Variants in MTMR3 observed in about 807,000 individuals in gnomAD.
MTMR3 encodes myotubularin related protein 3.
A neutral mutation model predicts 132.4 loss-of-function variants in MTMR3; 32 were observed. The ratio of observed to expected loss-of-function variants is 0.24; its 90% CI spans 0.18 to 0.32. MTMR3 has a LOEUF of 0.32. Ranked by LOEUF, MTMR3 falls within the 10% of genes least tolerant of loss-of-function variation. MTMR3 has a pLI of 1.00. For synonymous variants in MTMR3, 556 were observed against 550.3 expected (o/e 1.01, Z -0.14); for missense variants, 1,216 against 1,489.6 (o/e 0.82, Z 3.02).
intron 17 of MTMR3, chr22:30,021,140 G>T: frequency 1.9e-6 from 1 of 515,096 alleles, no homozygotes; most frequent in South Asian, 2.5e-5. Flanking sequence ...TGCACTGCAT[G>T]GTTGATCAGA....
At chr22:29,957,899 C>T (rs2066231624) in intron 2 of MTMR3, among the ~76,000 whole-genome samples, 1 of 151,904 alleles carries the variant, frequency 6.6e-6, no homozygotes, top group Non-Finnish European at 1.5e-5. Context: ...TGTATTGTTG[C>T]TTGTTCTATT....
intron 1 of MTMR3, among the ~76,000 whole-genome samples, chr22:29,922,151 C>T (rs113338889): frequency 6.6e-6 from 1 of 151,958 alleles, no homozygotes. Flanking sequence ...CTCAGCCTCC[C>T]GAGTAGCTGG....
chr22:29,898,116 C>G (rs1427544028), intron 1 of MTMR3, among the ~76,000 whole-genome samples: 1 of 152,124 alleles, frequency 6.6e-6, no homozygotes, highest in Non-Finnish European at 1.5e-5. Context: ...GCTGGGATTA[C>G]AAGTGTGAGC....
intron 1 of MTMR3, among the ~76,000 whole-genome samples, chr22:29,934,009 A>AT (rs2065698439): frequency 6.6e-6 from 1 of 152,160 alleles, no homozygotes; most frequent in African/African-American, 2.4e-5. Context: ...ATGGATAAAA[A>AT]CATGTTTATA....
At chr22:30,003,037 C>T in intron 9 of MTMR3, 44 bp downstream of exon 9, 1 of 1,468,552 alleles carries the variant, frequency 6.8e-7, no homozygotes. Context: ...GGTGCTGCTG[C>T]CTGCTGCATA....
At chr22:29,964,364 A>G (rs1019208899) in intron 2 of MTMR3, among the ~76,000 whole-genome samples, 2 of 152,152 alleles carry the variant, frequency 1.3e-5, no homozygotes, top group African/African-American at 4.8e-5. Flanking sequence ...TTTACATAAT[A>G]CCCAGAGTGG....
At chr22:30,007,470 T>G in intron 10 of MTMR3, 151 bp downstream of exon 10, 1 of 753,428 alleles carries the variant, frequency 1.3e-6, no homozygotes, top group South Asian at 1.9e-5. Flanking sequence ...GAGTCATGGG[T>G]CTTGGCAGAG....
chr22:29,978,379 A>G (rs2066672641), intron 3 of MTMR3, 63 bp from the exon 4 acceptor site: 1 of 1,368,488 alleles, frequency 7.3e-7, no homozygotes, highest in African/African-American at 1.4e-5. Context: ...CAGATATGGC[A>G]GAAAAACCAA....
At chr22:29,893,345 G>GT (rs2064833705) in intron 1 of MTMR3, among the ~76,000 whole-genome samples, 1 of 152,174 alleles carries the variant, frequency 6.6e-6, no homozygotes, top group African/African-American at 2.4e-5. Context: ...CACTGTGTGT[G>GT]TAACTCCTGT....
At position 29,892,196 on chromosome 22, in the gene MTMR3, A is replaced by G. The variant is rs528885816; in HGVS notation, c.-138+8837A>G. Among the ~76,000 whole-genome samples the G allele has an allele frequency of 1.1e-3, 172 of 152,308 alleles. 4 individuals carry two copies. Among genetic ancestry groups the G allele is most frequent in the Non-Finnish European group, 1.1e-3 (74 of 68,018 alleles). On this transcript the variant is annotated intron_variant, in intron 1 of 19. Coordinates refer to ENST00000401950, the MANE Select transcript of MTMR3 (RefSeq NM_021090.4). ...CATGCTCTTGAGAGTCGTATCTGCA[A>G]TAAGGGTAAAAATAAATTTAAAACA...
Position 30,019,621 on chromosome 22 carries a change from T to C in MTMR3, c.1962T>C (p.Ala654=), listed in dbSNP as rs769057848. ...GCTCACTAGAGCTGAGCAGCCTGGCTGGCCCTGGAGAGGATCCCCTTTCTG... is the reference window on the plus strand; with the variant it reads ...GCTCACTAGAGCTGAGCAGCCTGGCCGGCCCTGGAGAGGATCCCCTTTCTG... ...HRRSLELSSL[A]GPGEDPLSAD... is the part of the protein sequence containing the mutation. The change falls in exon 17 of 20, where the codon GCT becomes GCC. Residue 654 remains alanine, a synonymous_variant. Transcript: ENST00000401950. 5 of 1,614,188 alleles carry C rather than the reference T, an allele frequency of 3.1e-6. No individual in the cohort carries two copies. The Admixed American group carries it at 6.7e-5, about 22-fold the overall frequency.
At chr22:29,906,628 G>A (rs2065109533) in intron 1 of MTMR3, among the ~76,000 whole-genome samples, 1 of 151,976 alleles carries the variant, frequency 6.6e-6, no homozygotes, top group Admixed American at 6.6e-5. Context: ...GAACCACCGT[G>A]CCTGGCCTGT....
rs2067916442 is a variant in MTMR3, at chr22:30,026,634, A to G, written c.*833A>G. 6.5e-6 allele frequency: 1 copy of G among 152,882 alleles called. No homozygotes were observed. The highest frequency in any genetic ancestry group is 1.5e-5 in the Non-Finnish European group (1 of 68,082). The allele number at this position is 152,882 out of a possible 1,614,324, so 9.5% of individuals were successfully genotyped here. ...TGAGTACAGACTGGTCAAAATGTTT[A>G]TGCAGTCAAGGCCAAAGCCTGCCCT... On this transcript the variant is annotated 3_prime_UTR_variant, in exon 20 of 20. Transcript: ENST00000401950.
chr22:29,955,267 G>A (rs1372285450), intron 1 of MTMR3, among the ~76,000 whole-genome samples: 2 of 152,148 alleles, frequency 1.3e-5, no homozygotes, highest in African/African-American at 4.8e-5. Flanking sequence ...TTAGAGGTAT[G>A]AGTCATTGCA....
chr22:29,935,877 C>T (rs942706599), intron 1 of MTMR3, among the ~76,000 whole-genome samples: 2 of 151,958 alleles, frequency 1.3e-5, no homozygotes, highest in Admixed American at 6.6e-5. Flanking sequence ...CTCAGCCTCC[C>T]GAGTAGCTGG....
intron 1 of MTMR3, among the ~76,000 whole-genome samples, chr22:29,905,329 C>T (rs1368675429): frequency 6.6e-6 from 1 of 152,152 alleles, no homozygotes; most frequent in Non-Finnish European, 1.5e-5. Flanking sequence ...TAAAAGAAAT[C>T]CGCACATGAG....
intron 2 of MTMR3, among the ~76,000 whole-genome samples, chr22:29,967,240 C>T (rs1235196257): frequency 2.1e-5 from 3 of 144,036 alleles, no homozygotes; most frequent in Non-Finnish European, 4.5e-5. Flanking sequence ...TGTGCATGCG[C>T]GCGCGCGCGC....
intron 1 of MTMR3, among the ~76,000 whole-genome samples, chr22:29,887,636 T>C (rs1418109602): frequency 1.3e-5 from 2 of 152,186 alleles, no homozygotes; most frequent in Non-Finnish European, 2.9e-5. Flanking sequence ...CTGGGATGTC[T>C]CACATTTATG....
intron 1 of MTMR3, among the ~76,000 whole-genome samples, chr22:29,927,763 G>A (rs938240044): frequency 2.0e-4 from 30 of 151,950 alleles, no homozygotes; most frequent in African/African-American, 7.3e-4. Context: ...GGAGGAAAAT[G>A]TATTATATTA....
Sources: allele counts gnomAD v4.1 joint callset (sites outside exome capture counted in the v4.1 genomes callset), GRCh38; gene constraint gnomAD v4.1.1; transcripts MANE v1.5; gene names NCBI Gene and HGNC (gene_info 2026-07-23, HGNC 2026-07-21).